The following PCCA variants were observed in gnomAD, a reference collection of about 807,000 sequenced individuals.
PCCA encodes the protein propionyl-CoA carboxylase alpha chain, mitochondrial.
A neutral mutation model predicts 101.3 loss-of-function variants in PCCA; 74 were observed. The ratio of observed to expected loss-of-function variants is 0.73; its 90% CI spans 0.61 to 0.89. The LOEUF (loss-of-function observed/expected upper bound fraction) is 0.89. Among genes scored for constraint, PCCA ranks in the 40% least tolerant of loss-of-function variants. The pLI is 0.00. For synonymous variants in PCCA, 294 were observed against 313.6 expected, an observed-to-expected ratio of 0.94 and a Z score of 0.66; for missense variants, 891 against 907.0, an observed-to-expected ratio of 0.98 and a Z score of 0.23.
chr13:100,254,484 C>G (rs1367694912), intron 8 of PCCA, among the ~76,000 whole-genome samples: 1 of 152,180 alleles, frequency 6.6e-6, no homozygotes, highest in Non-Finnish European at 1.5e-5. Context: ...TCAACTTGAT[C>G]ATTTCTGATT....
At chr13:100,388,360 G>A (rs1004023458) in intron 19 of PCCA, among the ~76,000 whole-genome samples, 4 of 151,962 alleles carry the variant, frequency 2.6e-5, no homozygotes, top group South Asian at 2.1e-4. Flanking sequence ...GCTACTCAGG[G>A]GGCTAAGGTG....
intron 4 of PCCA, among the ~76,000 whole-genome samples, chr13:100,124,538 A>T (rs1347886827): frequency 6.6e-6 from 1 of 152,108 alleles, no homozygotes; most frequent in Non-Finnish European, 1.5e-5. Context: ...GATTGACAGT[A>T]AGGTGAGGGC....
intron 21 of PCCA, among the ~76,000 whole-genome samples, chr13:100,489,434 A>G (rs1282864884): frequency 2.0e-5 from 3 of 152,264 alleles, no homozygotes; most frequent in Admixed American, 6.5e-5. Flanking sequence ...AAGATTGACC[A>G]TCTAGCCCAT....
chr13:100,383,197 GC>G (rs1269689652), intron 19 of PCCA, among the ~76,000 whole-genome samples: 4 of 151,880 alleles, frequency 2.6e-5, no homozygotes, highest in Non-Finnish European at 4.4e-5. Flanking sequence ...TCGCCATGTT[GC>G]CTAGGCTGGT....
intron 8 of PCCA, among the ~76,000 whole-genome samples, chr13:100,242,559 A>C (rs963782419): frequency 1.3e-5 from 2 of 152,230 alleles, no homozygotes; most frequent in African/African-American, 4.8e-5. Flanking sequence ...TGGATATATA[A>C]TGACCATTCT....
chr13:100,442,622 T>C (rs1490435139), intron 20 of PCCA, among the ~76,000 whole-genome samples: 2 of 152,202 alleles, frequency 1.3e-5, no homozygotes, highest in Non-Finnish European at 2.9e-5. Flanking sequence ...TTCTAGACTC[T>C]GCAGATAGAA....
chr13:100,223,488 C>T (rs1256260662), intron 7 of PCCA, among the ~76,000 whole-genome samples: 1 of 152,042 alleles, frequency 6.6e-6, no homozygotes, highest in Non-Finnish European at 1.5e-5. Context: ...CTTGTGGTCT[C>T]GCTGGCTTCA....
intron 19 of PCCA, among the ~76,000 whole-genome samples, chr13:100,371,682 A>G (rs2075582122): frequency 6.6e-6 from 1 of 152,242 alleles, no homozygotes. Context: ...GCAGATATAG[A>G]CAAATTTATT....
At chr13:100,244,757 C>A (rs2061339202) in intron 8 of PCCA, among the ~76,000 whole-genome samples, 1 of 151,954 alleles carries the variant, frequency 6.6e-6, no homozygotes, top group Non-Finnish European at 1.5e-5. Flanking sequence ...CAGGCAAAAT[C>A]AGTTTTTCCT....
intron 21 of PCCA, among the ~76,000 whole-genome samples, chr13:100,489,184 T>C (rs2084682697): frequency 6.6e-6 from 1 of 152,098 alleles, no homozygotes; most frequent in African/African-American, 2.4e-5. Flanking sequence ...GGCGAGCACC[T>C]GTAGTCCCAG....
chr13:100,095,157 C>T (rs1485301718), intron 1 of PCCA, among the ~76,000 whole-genome samples: 2 of 152,124 alleles, frequency 1.3e-5, no homozygotes, highest in African/African-American at 4.8e-5. Flanking sequence ...ACATGGCTGC[C>T]TTCTCCTCCT....
At chr13:100,428,534 A>G (rs2079329482) in intron 20 of PCCA, among the ~76,000 whole-genome samples, 1 of 151,650 alleles carries the variant, frequency 6.6e-6, no homozygotes, top group South Asian at 2.1e-4. Context: ...GCTTTCCCCC[A>G]CTATGCTATA....
In PCCA at chr13:100,282,306, C is replaced by T. The variant is rs569580805; in HGVS notation, c.1065+8960C>T. On this transcript the variant is annotated intron_variant, in intron 12 of 23. Transcript: ENST00000376285. ...GCTGGCAGTCCTCAGAGCCCTCGCT[C>T]GCTCTCGGCGCCTCCTCTGCCTGGG... 1.1e-4 allele frequency among the ~76,000 whole-genome samples: 17 copies of T among 152,366 alleles called. No individual in the cohort carries two copies. The South Asian group carries it at 1.7e-3, about 15-fold the overall frequency.
chr13:100,429,234 T>C (rs1354822087), intron 20 of PCCA, among the ~76,000 whole-genome samples: 1 of 151,978 alleles, frequency 6.6e-6, no homozygotes, highest in Non-Finnish European at 1.5e-5. Context: ...CTCCCCCTTT[T>C]CTCTCTCTGC....
intron 19 of PCCA, among the ~76,000 whole-genome samples, chr13:100,402,713 G>T (rs1242399701): frequency 2.0e-5 from 3 of 152,150 alleles, no homozygotes; most frequent in Non-Finnish European, 2.9e-5. Context: ...GTGGGCAAGG[G>T]GTGGTATGGG....
intron 14 of PCCA, among the ~76,000 whole-genome samples, chr13:100,304,463 T>C (rs534578781): frequency 6.6e-6 from 1 of 152,320 alleles, no homozygotes; most frequent in Admixed American, 6.5e-5. Flanking sequence ...GTGATCACTT[T>C]TGGCCTGTCA....
chr13:100,216,895 G>A (rs1284564831), intron 7 of PCCA, among the ~76,000 whole-genome samples: 1 of 151,388 alleles, frequency 6.6e-6, no homozygotes, highest in Admixed American at 6.6e-5. Flanking sequence ...GATCACCTGA[G>A]GTCAGGAGTT....
chr13:100,479,584 A>T (rs2083715647), intron 21 of PCCA: 1 of 152,266 alleles, frequency 6.6e-6, no homozygotes, highest in Non-Finnish European at 1.5e-5. Context: ...TTTATTATTC[A>T]TTAAGTGGAA....
intron 17 of PCCA, among the ~76,000 whole-genome samples, chr13:100,336,115 A>G (rs1181282204): frequency 1.4e-4 from 22 of 152,000 alleles, no homozygotes; most frequent in Admixed American, 1.3e-3. Flanking sequence ...ATACAAAATT[A>G]GCCGGGCATG....
Sources: allele counts gnomAD v4.1 joint callset (sites outside exome capture counted in the v4.1 genomes callset), GRCh38; gene constraint gnomAD v4.1.1; transcripts MANE v1.5; gene names NCBI Gene and HGNC (gene_info 2026-07-23, HGNC 2026-07-21).